Variants in RGMA observed in about 807,000 individuals in gnomAD.
The protein encoded by RGMA is repulsive guidance molecule A.
A neutral mutation model predicts 23.2 loss-of-function variants in RGMA; 10 were observed. The observed-to-expected ratio is 0.43, with a 90% confidence interval of 0.27 to 0.73. The LOEUF (loss-of-function observed/expected upper bound fraction) is 0.73. Ranked by LOEUF, RGMA falls within the 30% of genes least tolerant of loss-of-function variation. RGMA has a pLI of 0.20. For synonymous variants in RGMA, 308 were observed against 279.3 expected, an observed-to-expected ratio of 1.10 and a Z score of -1.03; for missense variants, 547 against 630.5, an observed-to-expected ratio of 0.87 and a Z score of 1.42.
At position 93,068,323 on chromosome 15, in the gene RGMA, C is replaced by T. The variant is rs116874908; in HGVS notation, c.130+4593G>A. Among the ~76,000 whole-genome samples, 52 of 149,252 alleles carry T rather than the reference C, an allele frequency of 3.5e-4. No individual in the cohort carries two copies. The East Asian group carries it at 8.5e-3, about 25-fold the overall frequency. ...GGGTTCTCTGCCCAGTTCTAGGCCT[C>T]GCACATTTCACCAAAGACAAGATCT... On this transcript the variant is annotated intron_variant, in intron 2 of 3. Coordinates refer to ENST00000329082, the MANE Select transcript of RGMA (RefSeq NM_020211.3).
rs368790210 is a variant in RGMA, at chr15:93,055,900, T to C, written c.131-3393A>G. On this transcript the variant is annotated intron_variant, in intron 2 of 3. Transcript: ENST00000329082. ...CTGCTACCTCCACAGCCTTCAAAAC[T>C]GTTCTCAGAGCAGCACCGCAGCTAC... 5.3e-4 allele frequency among the ~76,000 whole-genome samples: 81 copies of C among 152,324 alleles called. 2 individuals are homozygous for C. In the South Asian group the frequency reaches 0.017, roughly 31 times the overall value.
chr15:93,087,482 A>AAAAAG (rs1353198546), intron 1 of RGMA, among the ~76,000 whole-genome samples: 2 of 150,912 alleles, frequency 1.3e-5, no homozygotes, highest in African/African-American at 4.9e-5. Flanking sequence ...AAAAAAAAAA[A>AAAAAG]AACCACAAAA....
chr15:93,080,792 C>T (rs1056737668), intron 1 of RGMA, among the ~76,000 whole-genome samples: 1 of 152,154 alleles, frequency 6.6e-6, no homozygotes, highest in East Asian at 1.9e-4. Context: ...CCCATATTCT[C>T]AGTAACCTCT....
chr15:93,050,440 C>G (rs1183105571), intron 3 of RGMA, among the ~76,000 whole-genome samples: 1 of 152,210 alleles, frequency 6.6e-6, no homozygotes, highest in Non-Finnish European at 1.5e-5. Context: ...TGGCCTCCAG[C>G]AGAGCCTGGT....
chr15:93,078,170 G>A (rs568895821), intron 1 of RGMA, among the ~76,000 whole-genome samples: 1 of 152,162 alleles, frequency 6.6e-6, no homozygotes, highest in South Asian at 2.1e-4. Flanking sequence ...TTCCAGCTAT[G>A]GAAGCTGAGA....
intron 1 of RGMA, chr15:93,088,155 C>T (rs1298394963): frequency 2.9e-6 from 2 of 685,966 alleles, no homozygotes; most frequent in African/African-American, 1.9e-5. Context: ...TTTGGGAGAA[C>T]TGATTCTACC....
At chr15:93,088,797 G>A (rs1451094979) in intron 1 of RGMA, 122 bp downstream of exon 1, 1 of 973,228 alleles carries the variant, frequency 1.0e-6, no homozygotes, top group Non-Finnish European at 1.5e-6. Flanking sequence ...ATGTGGGCAA[G>A]ATGGGAGCAA....
At chr15:93,061,539 G>A (rs577911879) in intron 2 of RGMA, among the ~76,000 whole-genome samples, 1 of 152,340 alleles carries the variant, frequency 6.6e-6, no homozygotes. Context: ...ATAAATGTAT[G>A]TAGGTGACAT....
At chr15:93,059,726 C>T (rs1163037772) in intron 2 of RGMA, among the ~76,000 whole-genome samples, 1 of 152,218 alleles carries the variant, frequency 6.6e-6, no homozygotes, top group Non-Finnish European at 1.5e-5. Context: ...TCACCAACTG[C>T]AGCCCCCCAC....
chr15:93,069,089 G>A (rs942915765), intron 2 of RGMA, among the ~76,000 whole-genome samples: 1 of 145,540 alleles, frequency 6.9e-6, no homozygotes, highest in African/African-American at 2.5e-5. Flanking sequence ...GTGGTAAGCA[G>A]GCTGATCTGC....
intron 2 of RGMA, among the ~76,000 whole-genome samples, chr15:93,071,325 C>G (rs1014786999): frequency 1.3e-5 from 2 of 152,184 alleles, no homozygotes; most frequent in African/African-American, 2.4e-5. Flanking sequence ...GGCTGTTCAA[C>G]CAGACTCTTA....
rs114845085 is a variant in RGMA at position 93,054,432 on chromosome 15, G to A, written c.131-1925C>T. ...CCACGTGTCAAGGGTGGGGCCAGGT[G>A]GAGATAAGTGAATCAGGAGGTCATT... is the stretch of plus-strand genomic sequence containing the variant. On this transcript the variant is annotated intron_variant, in intron 2 of 3. Transcript: ENST00000329082. 6.3e-3 allele frequency among the ~76,000 whole-genome samples: 956 copies of A among 152,174 alleles called. 9 individuals carry two copies. Among genetic ancestry groups the A allele is most frequent in the African/African-American group, 0.021 (881 of 41,500 alleles).
At chr15:93,068,543 CT>C (rs1895227293) in intron 2 of RGMA, among the ~76,000 whole-genome samples, 1 of 152,206 alleles carries the variant, frequency 6.6e-6, no homozygotes, top group South Asian at 2.1e-4. Context: ...CTTTCCCTTC[CT>C]CAGATCACAA....
In RGMA at chr15:93,037,408, T is replaced by TC. The variant is rs1474483373; in HGVS notation, c.*7589dup. The TC allele has an allele frequency of 6.6e-6, 1 of 152,244 alleles. No individual in the cohort carries two copies. 9.4% of individuals were successfully genotyped at this position (152,244 alleles called of 1,614,324 possible). The stretch of plus-strand genomic sequence containing the variant: ...CCAGGCCCGTGAAACACAAGGTCCC[T>TC]CCCCCTAGGCCAGGGCGTGGCGGGG... On this transcript the variant is annotated 3_prime_UTR_variant, in exon 4 of 4. Transcript: ENST00000329082. This position sits in a 1 kb window ranked among gnomAD's most constrained non-coding sequence, Gnocchi z 4.3.
intron 2 of RGMA, among the ~76,000 whole-genome samples, chr15:93,053,594 A>G (rs1413432748): frequency 6.6e-6 from 1 of 152,226 alleles, no homozygotes; most frequent in Non-Finnish European, 1.5e-5. Flanking sequence ...AGTTGCACAT[A>G]AAACCAAGAA....
At chr15:93,061,294 C>T (rs1445891743) in intron 2 of RGMA, among the ~76,000 whole-genome samples, 1 of 152,228 alleles carries the variant, frequency 6.6e-6, no homozygotes, top group African/African-American at 2.4e-5. Flanking sequence ...GCTGGGATTA[C>T]AGGCACCCGC....
chr15:93,052,982 A>G (rs1300570106), intron 2 of RGMA, among the ~76,000 whole-genome samples: 1 of 152,170 alleles, frequency 6.6e-6, no homozygotes, highest in Non-Finnish European at 1.5e-5. Flanking sequence ...GTGCCTTGTT[A>G]TACTCATCTG....
At chr15:93,078,908 A>G (rs1039822131) in intron 1 of RGMA, among the ~76,000 whole-genome samples, 4 of 152,244 alleles carry the variant, frequency 2.6e-5, no homozygotes, top group African/African-American at 7.2e-5. Flanking sequence ...CTATAAACAG[A>G]CTGGACAAAG....
intron 1 of RGMA, among the ~76,000 whole-genome samples, chr15:93,078,720 T>C (rs1178868338): frequency 1.3e-5 from 2 of 152,262 alleles, no homozygotes; most frequent in African/African-American, 2.4e-5. Flanking sequence ...TGAGAGATTT[T>C]TCTCAAGGGG....
Sources: gnomAD v4.1 joint callset for allele counts (sites outside exome capture counted in the v4.1 genomes callset) on GRCh38, gnomAD v4.1.1 for gene constraint, Gnocchi (gnomAD v3.1) non-coding constraint, MANE v1.5 for transcripts, NCBI Gene and HGNC (gene_info 2026-07-23, HGNC 2026-07-21) for gene names.